Variants in ATP2C2 observed in about 807,000 individuals in gnomAD.
The protein encoded by ATP2C2 is ATPase secretory pathway Ca2+ transporting 2, also known as calcium-transporting ATPase type 2C member 2.
Under a neutral mutation model 110.8 loss-of-function variants are expected in ATP2C2, and 171 were observed. The observed-to-expected ratio is 1.54, with a 90% CI of 1.36 to 1.75. ATP2C2 has a LOEUF of 1.75. Among genes scored for constraint, ATP2C2 ranks in the 40% most tolerant of loss-of-function variants. ATP2C2 has a pLI of 0.00. For missense variants in ATP2C2, 1,963 were observed against 1,235.0 expected, an observed-to-expected ratio of 1.59 and a Z score of -8.84; for synonymous variants, 804 against 508.4, an observed-to-expected ratio of 1.58 and a Z score of -7.82.
rs975512204 is a variant in ATP2C2, at chr16:84,452,086, C to A, written c.1826C>A (p.Ala609Asp). The part of the protein sequence containing the change: ...ITGDALETAL[A>D]IGRNIGLCNG... ...GGGGATGCCCTGGAGACGGCCTTGG[C>A]CATAGGTAACTGGGACAGGGTCGGG... is the stretch of plus-strand genomic sequence containing the variant. The change falls in exon 18 of 27, where the codon GCC becomes GAC. Residue 609 changes from alanine to aspartate, a missense_variant. By Grantham distance (126) the Ala-to-Asp change is moderately radical. Coordinates refer to ENST00000262429, the MANE Select transcript of ATP2C2 (RefSeq NM_014861.4). 2.5e-6 allele frequency: 4 copies of A among 1,613,800 alleles called. No individual in the cohort carries two copies. Among genetic ancestry groups the A allele is most frequent in the Non-Finnish European group, 3.4e-6 (4 of 1,179,982 alleles).
intron 21 of ATP2C2, 84 bp downstream of exon 21, chr16:84,455,068 A>T: frequency 2.4e-6 from 3 of 1,250,372 alleles, no homozygotes; most frequent in Non-Finnish European, 3.3e-6. Flanking sequence ...CTGTGGAGAT[A>T]GAGGGGGGGG....
In ATP2C2 at chr16:84,454,965, G is replaced by C; in HGVS notation, c.2128G>C (p.Asp710His). The change falls in exon 21 of 27, where the codon GAT (aspartate) becomes CAT (histidine). Residue 710 changes from aspartate to histidine, a missense_variant. Asp to His is a moderately conservative substitution (Grantham distance 81). Coordinates refer to ENST00000262429, the MANE Select transcript of ATP2C2 (RefSeq NM_014861.4). ...KEAANMILVD[D>H]DFSAIMNAVE... ...GGCCGCCAACATGATCCTGGTGGAT[G>C]ATGACTTCTCAGCCATCATGTAAGC... 1 of 1,613,736 alleles carries C rather than the reference G, an allele frequency of 6.2e-7. No individual in the cohort carries two copies. The highest frequency in any genetic ancestry group is 2.2e-5 in the East Asian group (1 of 44,846).
chr16:84,463,543 G>A (rs1324578680), intron 26 of ATP2C2, 71 bp from the exon 27 acceptor site: 7 of 1,308,910 alleles, frequency 5.3e-6, no homozygotes, highest in African/African-American at 1.5e-5. Context: ...GGACTGGCAG[G>A]GAAGGCGCTT....
At position 84,453,248 on chromosome 16, in the gene ATP2C2, A is replaced by C; in HGVS notation, c.1929+13A>C. 1.9e-6 allele frequency: 3 copies of C among 1,614,014 alleles called. No individual in the cohort carries two copies. Among genetic ancestry groups the C allele is most frequent in the Non-Finnish European group, 2.5e-6 (3 of 1,179,930 alleles). On this transcript the variant is annotated intron_variant, in intron 19 of 26. Transcript: ENST00000262429. ...CCGCGTGGGGAAGGTGGGTCCCCGGAGGCTTGGCTGGCAGTGGGGCTGGGT... is the reference window on the plus strand; with the variant it reads ...CCGCGTGGGGAAGGTGGGTCCCCGGCGGCTTGGCTGGCAGTGGGGCTGGGT...
intron 11 of ATP2C2, among the ~76,000 whole-genome samples, chr16:84,427,008 G>A (rs1427400384): frequency 2.0e-5 from 3 of 152,064 alleles, no homozygotes; most frequent in African/African-American, 4.8e-5. Context: ...AGCAGAGGCC[G>A]GGGATTGTCA....
intron 15 of ATP2C2, among the ~76,000 whole-genome samples, chr16:84,443,830 A>C (rs1211004947): frequency 6.6e-6 from 1 of 152,148 alleles, no homozygotes; most frequent in Non-Finnish European, 1.5e-5. Context: ...CCCTCTCATA[A>C]GCCCCCGTGT....
At chr16:84,420,553 A>G (rs188496395) in intron 7 of ATP2C2, among the ~76,000 whole-genome samples, 4 of 146,874 alleles carry the variant, frequency 2.7e-5, no homozygotes, top group African/African-American at 5.1e-5. Context: ...GTTCCCATCT[A>G]CCCCTCACCC....
At chr16:84,458,882 C>T (rs1226083840) in intron 21 of ATP2C2, among the ~76,000 whole-genome samples, 1 of 152,190 alleles carries the variant, frequency 6.6e-6, no homozygotes, top group Non-Finnish European at 1.5e-5. Flanking sequence ...CAGGTGTACC[C>T]TTGGCACAGA....
intron 11 of ATP2C2, among the ~76,000 whole-genome samples, chr16:84,433,637 G>A (rs1229758404): frequency 6.6e-6 from 1 of 151,500 alleles, no homozygotes; most frequent in Non-Finnish European, 1.5e-5. Flanking sequence ...AGGGAACAGA[G>A]CAAGACTCCG....
intron 16 of ATP2C2, 47 bp from the exon 17 acceptor site, chr16:84,448,486 C>T: frequency 6.4e-7 from 1 of 1,573,240 alleles, no homozygotes; most frequent in East Asian, 2.3e-5. Flanking sequence ...TCAGTATGAA[C>T]CAAGGCTTCC....
chr16:84,394,567 T>A (rs1904857842), intron 1 of ATP2C2, among the ~76,000 whole-genome samples: 1 of 152,046 alleles, frequency 6.6e-6, no homozygotes, highest in Non-Finnish European at 1.5e-5. Flanking sequence ...TGGCTTAAAT[T>A]TAAATGTATT....
intron 11 of ATP2C2, among the ~76,000 whole-genome samples, chr16:84,427,196 A>G (rs1441464025): frequency 1.3e-5 from 2 of 152,178 alleles, no homozygotes; most frequent in African/African-American, 4.8e-5. Flanking sequence ...GTCTGTTCAT[A>G]TGTATATATA....
intron 21 of ATP2C2, among the ~76,000 whole-genome samples, chr16:84,455,190 C>T (rs994119809): frequency 2.6e-5 from 4 of 152,056 alleles, no homozygotes; most frequent in Non-Finnish European, 5.9e-5. Context: ...TCCATGATGC[C>T]TGGGGCTAGT....
At chr16:84,424,745 G>C (rs1166179544) in intron 10 of ATP2C2, among the ~76,000 whole-genome samples, 1 of 152,098 alleles carries the variant, frequency 6.6e-6, no homozygotes, top group East Asian at 1.9e-4. Flanking sequence ...AATTCCCATG[G>C]TGCAAATACT....
At chr16:84,449,323 C>A (rs369864819) in intron 17 of ATP2C2, among the ~76,000 whole-genome samples, 4 of 152,214 alleles carry the variant, frequency 2.6e-5, no homozygotes, top group Admixed American at 2.6e-4. Context: ...CGGGGCGAGA[C>A]CCTTGCGGCT....
rs60601685 is a variant in ATP2C2 at position 84,418,459 on chromosome 16, C to G, written c.624+2868C>G. On this transcript the variant is annotated intron_variant, in intron 7 of 26. Transcript: ENST00000262429. ...AGGTGCCACCTGATCTTCTACCTGC[C>G]TTTATTTTTGTCATATGAAGACAAC... Among the ~76,000 whole-genome samples the G allele has an allele frequency of 3.6e-3, 544 of 152,294 alleles. 4 individuals carry two copies. The highest frequency in any genetic ancestry group is 0.013 in the African/African-American group (523 of 41,552).
At chr16:84,373,763 C>T (rs1910096616) in intron 1 of ATP2C2, among the ~76,000 whole-genome samples, 1 of 152,124 alleles carries the variant, frequency 6.6e-6, no homozygotes, top group Admixed American at 6.5e-5. Flanking sequence ...ATCCTAGAAC[C>T]ACATCTGACA....
In ATP2C2 at chr16:84,408,419, G is replaced by C; in HGVS notation, c.342G>C (p.Leu114=). 2 of 1,613,810 alleles carry C rather than the reference G, an allele frequency of 1.2e-6. No homozygotes were observed. Among genetic ancestry groups the C allele is most frequent in the Non-Finnish European group, 8.5e-7 (1 of 1,179,970 alleles). ...KKYLDQFKNP[L]ILLLLGSALV... is the part of the protein sequence containing the mutation. ...TTCCTCTTCAGTTTAAGAACCCCCTGATCCTGCTGCTGCTGGGCTCTGCCC... is the reference window on the plus strand; with the variant it reads ...TTCCTCTTCAGTTTAAGAACCCCCTCATCCTGCTGCTGCTGGGCTCTGCCC... Residue 114 remains leucine (L), a synonymous_variant, in exon 4 of 27, where the codon CTG becomes CTC. Coordinates refer to ENST00000262429, the MANE Select transcript of ATP2C2 (RefSeq NM_014861.4).
At chr16:84,415,628 A>G (rs1278777606) in intron 7 of ATP2C2, 37 bp downstream of exon 7, 20 of 1,545,540 alleles carry the variant, frequency 1.3e-5, no homozygotes, top group Non-Finnish European at 1.7e-5. Context: ...GGGGTATTTG[A>G]TGGAGCTGGT....
Sources: gnomAD v4.1 joint callset for allele counts (sites outside exome capture counted in the v4.1 genomes callset) on GRCh38, gnomAD v4.1.1 for gene constraint, MANE v1.5 for transcripts, NCBI Gene and HGNC (gene_info 2026-07-23, HGNC 2026-07-21) for gene names.